Variants in TAFA1 observed in about 807,000 individuals in gnomAD.
TAFA1 encodes TAFA chemokine like family member 1.
In TAFA1, 4 loss-of-function variants were observed where a neutral mutation model predicts 18.5. The ratio of observed to expected loss-of-function variants is 0.22; its 90% CI spans 0.11 to 0.49. The LOEUF (loss-of-function observed/expected upper bound fraction) is 0.49, where lower values mean the gene tolerates loss of function less well. Among genes scored for constraint, TAFA1 ranks in the 20% least tolerant of loss-of-function variants. The probability of loss-of-function intolerance (pLI) is 0.98; values close to 1 mark genes in which losing one functional copy is unlikely to be tolerated. For missense variants in TAFA1, 147 were observed against 169.0 expected (o/e 0.87, Z 0.72); for synonymous variants, 56 against 55.2 (o/e 1.01, Z -0.06).
chr3:68,047,880 C>T (rs6548946), intron 2 of TAFA1, among the ~76,000 whole-genome samples: 95,366 of 151,986 alleles, frequency 0.63, 30,228 homozygotes, highest in East Asian at 0.7. Flanking sequence ...CACTCTCCTA[C>T]GAGAGAGGGA....
intron 3 of TAFA1, among the ~76,000 whole-genome samples, chr3:68,444,138 C>T (rs1395602031): frequency 6.6e-6 from 1 of 152,130 alleles, no homozygotes; most frequent in Non-Finnish European, 1.5e-5. Flanking sequence ...AGGCAGTGTG[C>T]CCACCTTGGA....
intron 2 of TAFA1, among the ~76,000 whole-genome samples, chr3:68,339,069 T>G (rs1426197506): frequency 6.6e-6 from 1 of 152,216 alleles, no homozygotes; most frequent in Admixed American, 6.5e-5. Flanking sequence ...TACATTAAAT[T>G]AGCTAAAGCA....
chr3:68,141,840 T>G (rs2065670715), intron 2 of TAFA1, among the ~76,000 whole-genome samples: 1 of 152,242 alleles, frequency 6.6e-6, no homozygotes, highest in African/African-American at 2.4e-5. Context: ...TGATAAGGGT[T>G]GACAGGTGTC....
chr3:68,000,771 A>G (rs968794491), upstream of TAFA1, among the ~76,000 whole-genome samples: 1 of 152,158 alleles, frequency 6.6e-6, no homozygotes, highest in Non-Finnish European at 1.5e-5. Flanking sequence ...GGATGAGGGT[A>G]GTTGAATGGA....
chr3:68,147,237 C>T (rs2065752758), intron 2 of TAFA1, among the ~76,000 whole-genome samples: 2 of 151,984 alleles, frequency 1.3e-5, no homozygotes, highest in Admixed American at 1.3e-4. Flanking sequence ...ACCCAGAAGG[C>T]AACATTCCTC....
chr3:68,503,406 G>A (rs531623725), intron 3 of TAFA1, among the ~76,000 whole-genome samples: 38 of 152,236 alleles, frequency 2.5e-4, no homozygotes, highest in African/African-American at 8.4e-4. Flanking sequence ...TGAAAAACCT[G>A]CTATGTGAAT....
intron 2 of TAFA1, among the ~76,000 whole-genome samples, chr3:68,382,890 G>A (rs1388730189): frequency 1.3e-5 from 2 of 152,042 alleles, no homozygotes; most frequent in Admixed American, 1.3e-4. Flanking sequence ...GTTGAGTAAT[G>A]TTTTATAGTT....
intron 2 of TAFA1, among the ~76,000 whole-genome samples, chr3:68,379,703 T>G (rs1272681605): frequency 6.8e-6 from 1 of 147,762 alleles, no homozygotes; most frequent in African/African-American, 2.5e-5. Context: ...TACATTTAAG[T>G]CTTTAATCCA....
At chr3:68,323,859 G>T (rs551618009) in intron 2 of TAFA1, among the ~76,000 whole-genome samples, 5 of 152,144 alleles carry the variant, frequency 3.3e-5, no homozygotes, top group Non-Finnish European at 7.4e-5. Flanking sequence ...TCCACGTTGG[G>T]AGGGCAAGCC....
intron 2 of TAFA1, among the ~76,000 whole-genome samples, chr3:68,322,130 G>A (rs1265547952): frequency 2.0e-5 from 3 of 152,060 alleles, no homozygotes; most frequent in African/African-American, 7.2e-5. Context: ...TAATTTCCTG[G>A]GCCTGGGGCC....
At chr3:68,010,278 A>T (rs949569344) in intron 2 of TAFA1, among the ~76,000 whole-genome samples, 1 of 152,092 alleles carries the variant, frequency 6.6e-6, no homozygotes, top group Non-Finnish European at 1.5e-5. Flanking sequence ...GCATGGTAAT[A>T]TTGATGGTAT....
intron 2 of TAFA1, among the ~76,000 whole-genome samples, chr3:68,051,715 C>T (rs1281159737): frequency 6.6e-6 from 1 of 152,096 alleles, no homozygotes; most frequent in Non-Finnish European, 1.5e-5. Context: ...AAATTATCAT[C>T]ATGATTTCTC....
intron 3 of TAFA1, among the ~76,000 whole-genome samples, chr3:68,487,936 T>G (rs1486550994): frequency 1.3e-5 from 2 of 152,136 alleles, no homozygotes; most frequent in African/African-American, 4.8e-5. Flanking sequence ...AAGAAGCCGC[T>G]ACGTGATCTG....
intron 2 of TAFA1, among the ~76,000 whole-genome samples, chr3:68,339,748 C>T (rs1385101868): frequency 6.6e-6 from 1 of 152,048 alleles, no homozygotes; most frequent in East Asian, 1.9e-4. Flanking sequence ...TCTTTTTTCC[C>T]CACCTCTTTG....
chr3:68,007,793 C>T (rs1704390130), intron 2 of TAFA1, among the ~76,000 whole-genome samples: 1 of 152,212 alleles, frequency 6.6e-6, no homozygotes, highest in Admixed American at 6.5e-5. Flanking sequence ...CCAGCGTCTA[C>T]GCCCTCGCCT....
intron 2 of TAFA1, among the ~76,000 whole-genome samples, chr3:68,182,574 T>G (rs903360207): frequency 3.9e-5 from 6 of 152,200 alleles, no homozygotes; most frequent in African/African-American, 1.4e-4. Context: ...TCTGATCCTA[T>G]AGAATACTGA....
intron 2 of TAFA1, among the ~76,000 whole-genome samples, chr3:68,060,057 G>A (rs2064582279): frequency 6.6e-6 from 1 of 151,610 alleles, no homozygotes; most frequent in African/African-American, 2.4e-5. Context: ...GTATAATCAA[G>A]GCTTACTGAA....
chr3:68,538,562 C>G (rs1175837232), intron 3 of TAFA1, among the ~76,000 whole-genome samples, 194 bp from the exon 4 acceptor site: 2 of 152,152 alleles, frequency 1.3e-5, no homozygotes, highest in African/African-American at 4.8e-5. Flanking sequence ...AACCAGTCCA[C>G]ATAATTATAT....
chr3:68,485,393 C>A lies in TAFA1; in HGVS notation c.260-53363C>A, dbSNP rs139909273. Among the ~76,000 whole-genome samples the A allele has an allele frequency of 4.2e-4, 64 of 152,302 alleles. No individual in the cohort carries two copies. The South Asian group carries it at 6.0e-3, about 14-fold the overall frequency. ...AAATCTGTGTTTTTGTTGTACTTTG[C>A]CACTGGCTTACTTAGAGAATCAGGA... On this transcript the variant is annotated intron_variant, in intron 3 of 4. Coordinates refer to ENST00000478136, the MANE Select transcript of TAFA1 (RefSeq NM_213609.4).
Sources: allele counts gnomAD v4.1 joint callset (sites outside exome capture counted in the v4.1 genomes callset), GRCh38; gene constraint gnomAD v4.1.1; transcripts MANE v1.5; gene names NCBI Gene and HGNC (gene_info 2026-07-23, HGNC 2026-07-21).